CEP250: variants seen among roughly 807,000 people sequenced by gnomAD.
CEP250 encodes centrosomal protein 250, also known as centrosome-associated protein CEP250.
In CEP250, 242 loss-of-function variants were observed where a neutral mutation model predicts 315.7. The observed-to-expected ratio is 0.77, with a 90% CI of 0.69 to 0.85. The LOEUF (loss-of-function observed/expected upper bound fraction) is 0.85. CEP250 is among the 40% of genes least tolerant of loss of function. The pLI is 0.00. For missense variants in CEP250, 2,515 were observed against 2,886.4 expected (o/e 0.87, Z 2.95); for synonymous variants, 1,088 against 1,175.0 (o/e 0.93, Z 1.51).
chr20:35,506,841 C>T (rs758647616), intron 30 of CEP250, among the ~76,000 whole-genome samples: 3 of 152,096 alleles, frequency 2.0e-5, no homozygotes, highest in Non-Finnish European at 4.4e-5. Flanking sequence ...AGGAAGAAAG[C>T]ACTAAGTGGA....
intron 34 of CEP250, among the ~76,000 whole-genome samples, chr20:35,510,677 A>G (rs527455565): frequency 3.9e-5 from 6 of 152,344 alleles, no homozygotes; most frequent in African/African-American, 1.4e-4. Flanking sequence ...GAATTCTATT[A>G]AACTCAGAAT....
Position 35,504,051 on chromosome 20 carries a change from TGA to T in CEP250, c.5684_5685del (p.Glu1895ValfsTer17), listed in dbSNP as rs1191537367. On this transcript the variant is annotated frameshift_variant, in exon 30 of 35. Coordinates refer to ENST00000397527, the MANE Select transcript of CEP250 (RefSeq NM_007186.6). LOFTEE classifies it high-confidence loss of function. ...LEEVLGDLRA[E>X]SREQEKALLA... is the part of the protein sequence containing the mutation. Reference sequence around the variant, plus strand: ...AGGAGGTGCTGGGAGACCTAAGGGCTGAGTCTCGGGAACAGGAGAAAGCTCTG... The same window carrying T: ...AGGAGGTGCTGGGAGACCTAAGGGCTGTCTCGGGAACAGGAGAAAGCTCTG... The T allele has an allele frequency of 1.2e-6, 2 of 1,606,236 alleles. No homozygotes were observed. The highest frequency in any genetic ancestry group is 1.7e-6 in the Non-Finnish European group (2 of 1,175,612).
In CEP250 at chr20:35,472,745, A is replaced by G. The variant is rs570772106; in HGVS notation, c.1123A>G (p.Ile375Val). The G allele has an allele frequency of 8.7e-6, 14 of 1,614,102 alleles. No homozygotes were observed. The highest frequency in any genetic ancestry group is 1.3e-5 in the African/African-American group (1 of 75,038). ...HENSLELDSSIFSQFDYQDAD... is the reference protein window; with the variant it reads ...HENSLELDSSVFSQFDYQDAD... ...GAACTCTTTGGAATTGGACTCTAGT[A>G]TCTTCTCCCAGTTTGATTACCAGGA... Residue 375 changes from isoleucine (I) to valine (V), a missense_variant, in exon 12 of 35, where the codon ATC (isoleucine) becomes GTC (valine). Transcript: ENST00000397527.
At position 35,463,570 on chromosome 20, in the gene CEP250, T is replaced by C. The variant is rs952163750; in HGVS notation, c.187-5T>C. 6 of 1,605,338 alleles carry C rather than the reference T, an allele frequency of 3.7e-6. No individual in the cohort carries two copies. In the African/African-American group the frequency reaches 8.1e-5, roughly 22 times the overall value. On this transcript the variant is annotated splice_polypyrimidine_tract_variant and splice_region_variant and intron_variant, in intron 4 of 34. Coordinates refer to ENST00000397527, the MANE Select transcript of CEP250 (RefSeq NM_007186.6). ...ATTGCCCAGGGCCTGTTCTTTTTGC[T>C]GCAGGTGCTGCAGTACCGAAGCTGG... is the stretch of plus-strand genomic sequence containing the variant.
chr20:35,489,788 G>A (rs1311600605), intron 20 of CEP250, among the ~76,000 whole-genome samples: 1 of 152,230 alleles, frequency 6.6e-6, no homozygotes, highest in Non-Finnish European at 1.5e-5. Flanking sequence ...GGCTAACTCT[G>A]CAACTCTGAG....
At chr20:35,462,165 C>G in intron 3 of CEP250, 100 bp from the exon 4 acceptor site, 1 of 463,804 alleles carries the variant, frequency 2.2e-6, no homozygotes, top group Non-Finnish European at 3.9e-6. Context: ...TAGCGCCCTT[C>G]AGAGATGAGG....
In CEP250 at chr20:35,500,129, G is replaced by A; in HGVS notation, c.3858G>A (p.Glu1286=). 2 of 1,614,130 alleles carry A rather than the reference G, an allele frequency of 1.2e-6. No individual in the cohort carries two copies. The highest frequency in any genetic ancestry group is 1.7e-6 in the Non-Finnish European group (2 of 1,180,032). ...CTGAGAAGAGCCAGGTCCACACAGA[G>A]TTGCAGGATCTGCAGAGACAGCTCT... ...TEAEKSQVHT[E]LQDLQRQLSQ... Residue 1286 remains glutamate (E), a synonymous_variant, in exon 28 of 35, where the codon GAG becomes GAA. Coordinates refer to ENST00000397527, the MANE Select transcript of CEP250 (RefSeq NM_007186.6).
At chr20:35,485,645 CTTTT>C (rs782622070) in intron 20 of CEP250, among the ~76,000 whole-genome samples, 60 of 33,804 alleles carry the variant, frequency 1.8e-3, no homozygotes, top group African/African-American at 7.2e-3. Flanking sequence ...GTCTGCCTGG[CTTTT>C]TTTTTTTTTT....
chr20:35,500,627 G>A (rs574607870), intron 28 of CEP250, among the ~76,000 whole-genome samples: 2 of 152,304 alleles, frequency 1.3e-5, no homozygotes, highest in Admixed American at 1.3e-4. Context: ...AGCAGGGAGT[G>A]CTTGAACTCC....
chr20:35,496,561 A>T lies in CEP250; in HGVS notation c.3168-16A>T. Reference sequence around the variant, plus strand: ...CCTAAGAGAATGGCCCAGCACTCTGACCCCTCTCTTTTTAGCCTGACTCTC... The same window carrying T: ...CCTAAGAGAATGGCCCAGCACTCTGTCCCCTCTCTTTTTAGCCTGACTCTC... On this transcript the variant is annotated splice_polypyrimidine_tract_variant and intron_variant, in intron 24 of 34. Transcript: ENST00000397527. The T allele has an allele frequency of 6.2e-7, 1 of 1,612,462 alleles. No homozygotes were observed. Among genetic ancestry groups the T allele is most frequent in the Non-Finnish European group, 8.5e-7 (1 of 1,179,120 alleles).
Position 35,516,262 on chromosome 20 carries a change from C to G in CEP250, c.*4636C>G, listed in dbSNP as rs951885577. ...CGAGAATTCATATTCAAATGTGATT[C>G]TTTCTTAATTACTACCAGTTGTTCA... On this transcript the variant is annotated 3_prime_UTR_variant, in exon 35 of 35. Coordinates refer to ENST00000397527, the MANE Select transcript of CEP250 (RefSeq NM_007186.6). 2.6e-5 allele frequency: 4 copies of G among 152,188 alleles called. No individual in the cohort carries two copies. Among genetic ancestry groups the G allele is most frequent in the African/African-American group, 9.7e-5 (4 of 41,442 alleles). 9.4% of individuals were successfully genotyped at this position (152,188 alleles called of 1,614,324 possible).
At chr20:35,463,667 C>T in intron 5 of CEP250, 36 bp downstream of exon 5, 1 of 1,562,824 alleles carries the variant, frequency 6.4e-7, no homozygotes, top group Non-Finnish European at 8.7e-7. Flanking sequence ...CCCCTGGGTC[C>T]TCAGTGAATA....
rs910760240 is a variant in CEP250 at position 35,504,192 on chromosome 20, G to T, written c.5823G>T (p.Glu1941Asp). The T allele has an allele frequency of 1.2e-6, 2 of 1,613,302 alleles. No homozygotes were observed. Among genetic ancestry groups the T allele is most frequent in the African/African-American group, 2.7e-5 (2 of 74,942 alleles). ...AQAVLKERDQ[E>D]LEALRAESQS... ...CAGTGCTCAAGGAACGGGACCAGGA[G>T]CTGGAAGCTCTGCGGGCAGAAAGTC... The change falls in exon 30 of 35, where the codon GAG becomes GAT. Residue 1941 changes from glutamate to aspartate, a missense_variant. Transcript: ENST00000397527.
intron 9 of CEP250, 59 bp from the exon 10 acceptor site, chr20:35,469,831 C>G: frequency 8.5e-7 from 1 of 1,172,754 alleles, no homozygotes; most frequent in Middle Eastern, 2.6e-4. Context: ...TGTGCTGCAT[C>G]GTAGCTCTGT....
chr20:35,490,709 C>G lies in CEP250; in HGVS notation c.2659C>G (p.Leu887Val). Residue 887 changes from leucine to valine, a missense_variant, in exon 21 of 35, where the codon CTG becomes GTG. Transcript: ENST00000397527. ...GAGCTTAGAAAGGGAAAAAATGGAGCTGGAAATGAGGCTAAAGGAGCAGCA... is the reference window on the plus strand; with the variant it reads ...GAGCTTAGAAAGGGAAAAAATGGAGGTGGAAATGAGGCTAAAGGAGCAGCA... ...LESLEREKME[L>V]EMRLKEQQTE... is the part of the protein sequence containing the mutation. 1.9e-6 allele frequency: 3 copies of G among 1,613,936 alleles called. No homozygotes were observed. Among genetic ancestry groups the G allele is most frequent in the Non-Finnish European group, 2.5e-6 (3 of 1,179,984 alleles).
Position 35,463,578 on chromosome 20 carries a change from C to T in CEP250, c.190C>T (p.Leu64=), listed in dbSNP as rs2062806222. 1 of 1,609,456 alleles carries T rather than the reference C, an allele frequency of 6.2e-7. No individual in the cohort carries two copies. Among genetic ancestry groups the T allele is most frequent in the East Asian group, 2.2e-5 (1 of 44,568 alleles). The change falls in exon 5 of 35, where the codon CTG becomes TTG. Residue 64 remains leucine, a synonymous_variant. Transcript: ENST00000397527. Reference sequence around the variant, plus strand: ...GGGCCTGTTCTTTTTGCTGCAGGTGCTGCAGTACCGAAGCTGGTGCCAAGA... The same window carrying T: ...GGGCCTGTTCTTTTTGCTGCAGGTGTTGCAGTACCGAAGCTGGTGCCAAGA... The part of the protein sequence containing the change: ...TLVRKLQAKV[L]QYRSWCQELE...
intron 23 of CEP250, chr20:35,494,259 C>A: frequency 2.6e-6 from 1 of 386,876 alleles, no homozygotes; most frequent in South Asian, 2.9e-5. Flanking sequence ...CAGGTGTGAG[C>A]CACCGCACCC....
chr20:35,475,811 A>G (rs1182227567), intron 15 of CEP250, among the ~76,000 whole-genome samples, 165 bp downstream of exon 15: 2 of 152,312 alleles, frequency 1.3e-5, no homozygotes, highest in East Asian at 3.9e-4. Flanking sequence ...TTGGAATTAG[A>G]ATGGGCTTTC....
In CEP250 at chr20:35,504,117, G is replaced by T. The variant is rs781271326; in HGVS notation, c.5748G>T (p.Glu1916Asp). ...LQQQCAEQAQ[E>D]HEVETRALQD... ...AGCAGTGTGCTGAGCAGGCACAGGA[G>T]CATGAGGTGGAGACCAGGGCCCTGC... is the stretch of plus-strand genomic sequence containing the variant. The change falls in exon 30 of 35, where the codon GAG becomes GAT. Residue 1916 changes from glutamate to aspartate, a missense_variant. Physicochemically the swap from Glu to Asp is conservative, Grantham distance 45. Transcript: ENST00000397527. 1 of 1,613,440 alleles carries T rather than the reference G, an allele frequency of 6.2e-7. No homozygotes were observed. The highest frequency in any genetic ancestry group is 8.5e-7 in the Non-Finnish European group (1 of 1,179,712).
Sources: allele counts gnomAD v4.1 joint callset (sites outside exome capture counted in the v4.1 genomes callset), GRCh38; gene constraint gnomAD v4.1.1; transcripts MANE v1.5; gene names NCBI Gene and HGNC (gene_info 2026-07-23, HGNC 2026-07-21).